TNS3: variants seen among roughly 807,000 people sequenced by gnomAD.
The protein encoded by TNS3 is tensin-3.
Under a neutral mutation model 140.9 loss-of-function variants are expected in TNS3, and 45 were observed. That is an observed-to-expected ratio of 0.32 (90% CI 0.25 to 0.41). The LOEUF (loss-of-function observed/expected upper bound fraction) is 0.41. Ranked by LOEUF, TNS3 falls within the 10% of genes least tolerant of loss-of-function variation. The pLI is 1.00. For missense variants in TNS3, 1,716 were observed against 1,906.7 expected (o/e 0.90, Z 1.86); for synonymous variants, 815 against 788.4 (o/e 1.03, Z -0.56).
chr7:47,480,136 T>C (rs1381108733), intron 4 of TNS3, among the ~76,000 whole-genome samples: 2 of 152,212 alleles, frequency 1.3e-5, no homozygotes, highest in South Asian at 2.1e-4. Flanking sequence ...GCCAGTTCCA[T>C]GTCTGGAGGC....
chr7:47,439,550 G>C lies in TNS3; in HGVS notation c.87C>G (p.Ser29=), dbSNP rs371381884. The C allele has an allele frequency of 3.1e-6, 5 of 1,613,964 alleles. No homozygotes were observed. Among genetic ancestry groups the C allele is most frequent in the Non-Finnish European group, 4.2e-6 (5 of 1,179,992 alleles). ...VSFPAGCSEE[S]YLHNLQEVTR... is the part of the protein sequence containing the mutation. ...TGACCTCCTGTAGGTTGTGCAGGTA[G>C]GACTCCTCAGAGCAGCCGGCAGGGA... Residue 29 remains serine (S), a synonymous_variant, in exon 6 of 31, where the codon TCC becomes TCG. Coordinates refer to ENST00000311160, the MANE Select transcript of TNS3 (RefSeq NM_022748.12).
intron 17 of TNS3, among the ~76,000 whole-genome samples, chr7:47,355,951 G>A (rs1013912846): frequency 3.9e-5 from 6 of 152,176 alleles, no homozygotes; most frequent in Admixed American, 1.3e-4. Flanking sequence ...TCATGTCACT[G>A]CATTCTCTCC....
At chr7:47,323,633 T>C (rs1265383746) in intron 20 of TNS3, among the ~76,000 whole-genome samples, 1 of 152,236 alleles carries the variant, frequency 6.6e-6, no homozygotes, top group African/African-American at 2.4e-5. Flanking sequence ...CATCATCACA[T>C]GTGGTACTCA....
chr7:47,490,211 T>C (rs1285206215), intron 3 of TNS3, among the ~76,000 whole-genome samples: 1 of 152,172 alleles, frequency 6.6e-6, no homozygotes, highest in African/African-American at 2.4e-5. Flanking sequence ...AGGTCCCAAC[T>C]CATGCATTCC....
intron 3 of TNS3, among the ~76,000 whole-genome samples, chr7:47,482,467 A>G (rs530134962): frequency 2.2e-5 from 3 of 135,116 alleles, no homozygotes; most frequent in African/African-American, 7.4e-5. Context: ...GTAAACAAAT[A>G]AATGTAAAGC....
chr7:47,453,839 G>A (rs1796132959), intron 4 of TNS3, among the ~76,000 whole-genome samples: 1 of 152,186 alleles, frequency 6.6e-6, no homozygotes, highest in Non-Finnish European at 1.5e-5. Flanking sequence ...TCAGAGCTAA[G>A]AGGAAGGGTG....
At chr7:47,522,013 C>T (rs1418401985) in intron 2 of TNS3, among the ~76,000 whole-genome samples, 1 of 152,126 alleles carries the variant, frequency 6.6e-6, no homozygotes, top group Non-Finnish European at 1.5e-5. Flanking sequence ...GGGGCCCAGC[C>T]TCCAGGAAGA....
chr7:47,382,331 A>AAT (rs1661080779), intron 16 of TNS3, among the ~76,000 whole-genome samples: 1 of 152,152 alleles, frequency 6.6e-6, no homozygotes, highest in South Asian at 2.1e-4. Flanking sequence ...AGCCTTTGTG[A>AAT]ATATATGGCA....
At chr7:47,394,091 A>G (rs1792687291) in intron 16 of TNS3, among the ~76,000 whole-genome samples, 1 of 152,132 alleles carries the variant, frequency 6.6e-6, no homozygotes. Flanking sequence ...AAATACACCA[A>G]TGGGAATTGT....
At chr7:47,278,241 CAG>C (rs1290876861) in intron 30 of TNS3, 21 bp from the exon 31 acceptor site, 2 of 1,609,378 alleles carry the variant, frequency 1.2e-6, no homozygotes, top group Non-Finnish European at 1.7e-6. Context: ...AAAGTCCAGT[CAG>C]AGTGGTCAGT....
chr7:47,514,553 C>T (rs1798717853), intron 2 of TNS3, among the ~76,000 whole-genome samples: 1 of 152,146 alleles, frequency 6.6e-6, no homozygotes, highest in Non-Finnish European at 1.5e-5. Flanking sequence ...GGTCTCCTTT[C>T]TCAGCTTTCT....
chr7:47,311,367 C>T (rs1463697154), intron 20 of TNS3, among the ~76,000 whole-genome samples: 6 of 151,416 alleles, frequency 4.0e-5, no homozygotes, highest in African/African-American at 1.5e-4. Context: ...AACAAACCTG[C>T]ACATTGTGCA....
At chr7:47,355,829 C>A (rs1468166873) in intron 17 of TNS3, among the ~76,000 whole-genome samples, 1 of 152,084 alleles carries the variant, frequency 6.6e-6, no homozygotes. Context: ...CAGCGCACGG[C>A]CTGGCAGATC....
intron 1 of TNS3, among the ~76,000 whole-genome samples, chr7:47,541,402 C>A (rs1394838652): frequency 6.6e-6 from 1 of 152,138 alleles, no homozygotes; most frequent in South Asian, 2.1e-4. Context: ...CCAGATCTGT[C>A]CTTGGAGGGT....
At chr7:47,437,167 C>A in intron 7 of TNS3, 96 bp downstream of exon 7, 1 of 772,586 alleles carries the variant, frequency 1.3e-6, no homozygotes, top group Non-Finnish European at 2.1e-6. Context: ...CTTATCAAGT[C>A]ACATTCCACA....
chr7:47,414,357 C>T (rs959091515), intron 11 of TNS3, among the ~76,000 whole-genome samples: 22 of 152,206 alleles, frequency 1.4e-4, no homozygotes, highest in Admixed American at 2.6e-4. Context: ...TGAGCAAGCA[C>T]CTGCATGCGA....
chr7:47,303,744 C>G (rs1476741619), intron 21 of TNS3, among the ~76,000 whole-genome samples, 160 bp from the exon 22 acceptor site: 1 of 152,198 alleles, frequency 6.6e-6, no homozygotes, highest in Admixed American at 6.5e-5. Flanking sequence ...ACACTAAGGC[C>G]CTCTCTGAGC....
At chr7:47,356,609 A>G (rs933960730) in intron 17 of TNS3, among the ~76,000 whole-genome samples, 1 of 152,248 alleles carries the variant, frequency 6.6e-6, no homozygotes, top group African/African-American at 2.4e-5. Context: ...AGGATGCAAT[A>G]TTGACTAAGA....
chr7:47,382,733 G>A (rs753421699), intron 16 of TNS3, among the ~76,000 whole-genome samples: 28 of 148,198 alleles, frequency 1.9e-4, no homozygotes, highest in Non-Finnish European at 3.5e-4. Context: ...AGTCGACCTC[G>A]AGGAACCTGA....
Sources: gnomAD v4.1 joint callset for allele counts (sites outside exome capture counted in the v4.1 genomes callset) on GRCh38, gnomAD v4.1.1 for gene constraint, MANE v1.5 for transcripts, NCBI Gene and HGNC (gene_info 2026-07-23, HGNC 2026-07-21) for gene names.